The following COL23A1 variants were observed in gnomAD, a reference collection of about 807,000 sequenced individuals.
COL23A1 encodes the protein collagen type XXIII alpha 1 chain.
Under a neutral mutation model 99.3 loss-of-function variants are expected in COL23A1, and 97 were observed. The observed-to-expected ratio is 0.98, with a 90% CI of 0.83 to 1.16. The LOEUF (loss-of-function observed/expected upper bound fraction) is 1.16, where lower values mean the gene tolerates loss of function less well. Among genes scored for constraint, COL23A1 ranks in the 50% most tolerant of loss-of-function variants. The pLI is 0.00. For synonymous variants in COL23A1, 320 were observed against 308.2 expected (o/e 1.04, Z -0.40); for missense variants, 762 against 757.4 (o/e 1.01, Z -0.07).
intron 5 of COL23A1, among the ~76,000 whole-genome samples, chr5:178,273,259 G>A (rs543801167): frequency 2.0e-5 from 3 of 152,324 alleles, no homozygotes; most frequent in South Asian, 2.1e-4. Flanking sequence ...GCTGCCGGCT[G>A]TTTCTGGAAG....
chr5:178,377,895 A>G (rs141334841), intron 2 of COL23A1: 250 of 152,402 alleles, frequency 1.6e-3, no homozygotes, highest in Non-Finnish European at 3.0e-3. Context: ...GGTCATTGGG[A>G]GAAGGGATTT....
intron 2 of COL23A1, among the ~76,000 whole-genome samples, chr5:178,549,572 T>C (rs1761894688): frequency 6.6e-6 from 1 of 152,002 alleles, no homozygotes; most frequent in African/African-American, 2.4e-5. Context: ...TCCCATCACT[T>C]TGGGAGGCTG....
intron 2 of COL23A1, among the ~76,000 whole-genome samples, chr5:178,321,480 C>CAT (rs761651933): frequency 7.3e-5 from 8 of 109,026 alleles, no homozygotes; most frequent in African/African-American, 3.2e-4. Context: ...GTCACCTTCC[C>CAT]TTTTTTTTTT....
chr5:178,344,506 G>A (rs773530721), intron 2 of COL23A1, among the ~76,000 whole-genome samples: 1 of 152,114 alleles, frequency 6.6e-6, no homozygotes, highest in South Asian at 2.1e-4. Context: ...GTCTGGTGGC[G>A]TGCCCTTGTA....
At chr5:178,529,956 C>T (rs780918353) in intron 2 of COL23A1, among the ~76,000 whole-genome samples, 3 of 152,170 alleles carry the variant, frequency 2.0e-5, no homozygotes, top group African/African-American at 2.4e-5. Flanking sequence ...ACTTTTAAGA[C>T]GAAGGAAGAT....
intron 2 of COL23A1, among the ~76,000 whole-genome samples, chr5:178,474,183 A>C (rs1280523083): frequency 6.6e-6 from 1 of 152,172 alleles, no homozygotes; most frequent in African/African-American, 2.4e-5. Flanking sequence ...AGCTCTGTCC[A>C]AGTCCTTGGC....
intron 2 of COL23A1, among the ~76,000 whole-genome samples, chr5:178,524,817 ATCACTCAC>A (rs1451581479): frequency 6.6e-6 from 1 of 152,220 alleles, no homozygotes; most frequent in African/African-American, 2.4e-5. Flanking sequence ...AGACCCACAG[ATCACTCAC>A]TCACTCACAC....
chr5:178,449,716 G>A (rs369575575), intron 2 of COL23A1, among the ~76,000 whole-genome samples: 4 of 151,106 alleles, frequency 2.6e-5, no homozygotes, highest in Admixed American at 6.6e-5. Context: ...GAAGTGGCCC[G>A]AGACACAGCA....
At chr5:178,554,559 C>T (rs1252946646) in intron 2 of COL23A1, among the ~76,000 whole-genome samples, 3 of 152,280 alleles carry the variant, frequency 2.0e-5, no homozygotes, top group East Asian at 1.9e-4. Context: ...CAGCCGTCAC[C>T]GGAAGAGTCT....
chr5:178,566,208 CT>C, intron 1 of COL23A1, among the ~76,000 whole-genome samples: 1 of 152,204 alleles, frequency 6.6e-6, no homozygotes, highest in South Asian at 2.1e-4. Flanking sequence ...AGTACAGTGT[CT>C]GCAAAAGGGT....
At chr5:178,463,948 G>A (rs767961855) in intron 2 of COL23A1, among the ~76,000 whole-genome samples, 306 of 152,282 alleles carry the variant, frequency 2.0e-3, no homozygotes, top group Non-Finnish European at 3.7e-3. Context: ...CTTGTTGTGG[G>A]CCTCCCGGCC....
rs201068752 is a variant in COL23A1, at chr5:178,326,411, A to AT, written c.362-19493dup. The stretch of plus-strand genomic sequence containing the variant: ...GATTCAAAGTTTATTTAGAGAGAAC[A>AT]TTTAAAAAAAAAAAAAGACCGAACG... On this transcript the variant is annotated intron_variant, in intron 2 of 28. Coordinates refer to ENST00000390654, the MANE Select transcript of COL23A1 (RefSeq NM_173465.4). Among the ~76,000 whole-genome samples the AT allele has an allele frequency of 3.4e-3, 344 of 101,938 alleles. 1 individual carries two copies. Among genetic ancestry groups the AT allele is most frequent in the African/African-American group, 7.9e-3 (247 of 31,186 alleles). 66.9% of individuals were successfully genotyped at this position (101,938 alleles called of 152,430 possible).
At chr5:178,432,586 G>A (rs951504211) in intron 2 of COL23A1, among the ~76,000 whole-genome samples, 1 of 152,206 alleles carries the variant, frequency 6.6e-6, no homozygotes, top group South Asian at 2.1e-4. Context: ...GAACAAGGAG[G>A]CAGGAAACAC....
intron 2 of COL23A1, among the ~76,000 whole-genome samples, chr5:178,528,672 T>G (rs1181115185): frequency 6.6e-6 from 1 of 152,156 alleles, no homozygotes; most frequent in African/African-American, 2.4e-5. Flanking sequence ...TAGCAGGGCA[T>G]AGTGGCACGT....
intron 5 of COL23A1, among the ~76,000 whole-genome samples, chr5:178,274,307 T>C (rs1390834068): frequency 6.6e-6 from 1 of 151,896 alleles, no homozygotes; most frequent in Non-Finnish European, 1.5e-5. Context: ...ACTGGTGGAG[T>C]GGGGGCTGAG....
chr5:178,586,610 G>GAAAA lies in COL23A1; in HGVS notation c.294+3290_294+3293dup, dbSNP rs11464020. Reference sequence around the variant, plus strand: ...TAAAGCTCTCCCAAACTGTTGCAAGGAAAAAAAAAAAAGGACAAGAAAAGA... The same window carrying GAAAA: ...TAAAGCTCTCCCAAACTGTTGCAAGGAAAAAAAAAAAAAAAAGGACAAGAAAAGA... On this transcript the variant is annotated intron_variant, in intron 1 of 28. Coordinates refer to ENST00000390654, the MANE Select transcript of COL23A1 (RefSeq NM_173465.4). Among the ~76,000 whole-genome samples the GAAAA allele has an allele frequency of 6.4e-3, 922 of 144,474 alleles. 8 individuals are homozygous for GAAAA. The highest frequency in any genetic ancestry group is 0.021 in the Middle Eastern group (6 of 280). The allele number at this position is 144,474 out of a possible 152,430, so 94.8% of individuals were successfully genotyped here.
At chr5:178,239,059 C>A in intron 28 of COL23A1, 82 bp downstream of exon 28, 2 of 1,479,846 alleles carry the variant, frequency 1.4e-6, no homozygotes, top group South Asian at 1.1e-5. Context: ...TGAGTGACAG[C>A]ACCCAGGCTC....
intron 2 of COL23A1, among the ~76,000 whole-genome samples, chr5:178,447,792 A>C (rs1430529852): frequency 6.6e-6 from 1 of 152,238 alleles, no homozygotes; most frequent in East Asian, 1.9e-4. Context: ...TGTTGGAAGG[A>C]GGAGAATATG....
chr5:178,302,443 A>T (rs1758124171), intron 3 of COL23A1, among the ~76,000 whole-genome samples: 1 of 88,238 alleles, frequency 1.1e-5, no homozygotes. Context: ...GCTTCAATCC[A>T]CCTCTGTGTG....
Sources: allele counts gnomAD v4.1 joint callset (sites outside exome capture counted in the v4.1 genomes callset), GRCh38; gene constraint gnomAD v4.1.1; transcripts MANE v1.5; gene names NCBI Gene and HGNC (gene_info 2026-07-23, HGNC 2026-07-21).